The following GPCPD1 variants were observed in gnomAD, a reference collection of about 807,000 sequenced individuals.
The protein encoded by GPCPD1 is glycerophosphocholine phosphodiesterase GPCPD1.
In GPCPD1, 29 loss-of-function variants were observed where a neutral mutation model predicts 89.2. The ratio of observed to expected loss-of-function variants is 0.33; its 90% CI spans 0.24 to 0.44. The LOEUF is 0.44. Among genes scored for constraint, GPCPD1 ranks in the 20% least tolerant of loss-of-function variants. The probability of loss-of-function intolerance (pLI) is 1.00; values close to 1 mark genes in which losing one functional copy is unlikely to be tolerated. For missense variants in GPCPD1, 594 were observed against 808.9 expected, an observed-to-expected ratio of 0.73 and a Z score of 3.22; for synonymous variants, 258 against 266.3, an observed-to-expected ratio of 0.97 and a Z score of 0.30.
chr20:5,596,815 A>T (rs1301258957), intron 3 of GPCPD1, among the ~76,000 whole-genome samples: 1 of 152,228 alleles, frequency 6.6e-6, no homozygotes, highest in Admixed American at 6.5e-5. Context: ...CTAAAGGCAC[A>T]TGGATTCCTG....
chr20:5,548,902 AATC>A (rs1302580698), intron 19 of GPCPD1: 1 of 1,047,100 alleles, frequency 9.6e-7, no homozygotes, highest in Non-Finnish European at 1.3e-6. Context: ...AACAGAATCT[AATC>A]AGGAGGTTGC....
chr20:5,558,178 CAGTGCTCTCCAA>C (rs1985884179), intron 18 of GPCPD1, 73 bp from the exon 19 acceptor site: 1 of 856,166 alleles, frequency 1.2e-6, no homozygotes, highest in Non-Finnish European at 1.8e-6. Context: ...CACTCTAAAT[CAGTGCTCTCCAA>C]AGTACAGCAG....
intron 8 of GPCPD1, among the ~76,000 whole-genome samples, chr20:5,577,395 T>G (rs1281145406): frequency 1.3e-5 from 2 of 149,476 alleles, no homozygotes; most frequent in Non-Finnish European, 3.0e-5. Context: ...GGCTGAGGCA[T>G]GAGGATCACT....
chr20:5,580,097 T>G lies in GPCPD1; in HGVS notation c.384A>C (p.Thr128=). 3 of 1,500,286 alleles carry G rather than the reference T, an allele frequency of 2.0e-6. No homozygotes were observed. The Admixed American group carries it at 5.0e-5, about 25-fold the overall frequency. The allele number at this position is 1,500,286 out of a possible 1,614,324, so 92.9% of individuals were successfully genotyped here. Residue 128 remains threonine (T), a synonymous_variant, in exon 7 of 20, where the codon ACA becomes ACC. Transcript: ENST00000379019. ...GVETLDSGWL[T]CQTEIRLRLH... Reference sequence around the variant, plus strand: ...AACGTAATCTTATTTCAGTCTGACATGTCAGCCATCCAGAATCCAGAGTTT... The same window carrying G: ...AACGTAATCTTATTTCAGTCTGACAGGTCAGCCATCCAGAATCCAGAGTTT...
At chr20:5,559,876 G>T in intron 17 of GPCPD1, 64 bp downstream of exon 17, 2 of 863,378 alleles carry the variant, frequency 2.3e-6, no homozygotes, top group Non-Finnish European at 3.4e-6. Flanking sequence ...CCCACCTCCA[G>T]ACTGCTGCCT....
At chr20:5,551,864 A>G (rs1283114056) in intron 19 of GPCPD1, among the ~76,000 whole-genome samples, 2 of 152,206 alleles carry the variant, frequency 1.3e-5, no homozygotes, top group Non-Finnish European at 2.9e-5. Context: ...GTGTTTGATA[A>G]TTGAAAACAC....
intron 19 of GPCPD1, among the ~76,000 whole-genome samples, chr20:5,552,235 A>G (rs572488048): frequency 1.3e-5 from 2 of 152,276 alleles, no homozygotes; most frequent in African/African-American, 4.8e-5. Context: ...CTCAGACCCT[A>G]TTAGGAATCC....
chr20:5,581,814 CTTTTTTTTTTTTTTTTTTTTTT>C (rs11479995), intron 6 of GPCPD1, among the ~76,000 whole-genome samples: 20,950 of 76,724 alleles, frequency 0.27, 2,244 homozygotes, highest in South Asian at 0.38. Context: ...GGGACTTTAA[CTTTTTTTTTTTTTTTTTTTTTT>C]TTTTTTTTTT....
Position 5,586,439 on chromosome 20 carries a change from A to G in GPCPD1, c.232-170T>C, listed in dbSNP as rs1406239681. Among the ~76,000 whole-genome samples the G allele has an allele frequency of 3.3e-5, 5 of 152,352 alleles. No individual in the cohort carries two copies. The South Asian group carries it at 6.2e-4, about 19-fold the overall frequency. ...CTGGAATGTACCAGATCACAAAACA[A>G]GATGAAATGCTGGAAGAAAATTAGA... is the stretch of plus-strand genomic sequence containing the variant. On this transcript the variant is annotated intron_variant, in intron 4 of 19. Transcript: ENST00000379019.
chr20:5,554,494 C>T (rs1000046252), intron 19 of GPCPD1, among the ~76,000 whole-genome samples: 16 of 152,158 alleles, frequency 1.1e-4, no homozygotes, highest in East Asian at 5.8e-4. Flanking sequence ...TTCAGAATTA[C>T]GCTAAATCTA....
chr20:5,569,462 T>C (rs918074693), intron 12 of GPCPD1, among the ~76,000 whole-genome samples: 1 of 152,100 alleles, frequency 6.6e-6, no homozygotes, highest in Non-Finnish European at 1.5e-5. Context: ...ATTACAGTTT[T>C]TTTACAGCTA....
chr20:5,552,060 A>G lies in GPCPD1; in HGVS notation c.1830-4210T>C, dbSNP rs569967483. 1.2e-3 allele frequency among the ~76,000 whole-genome samples: 186 copies of G among 152,372 alleles called. 1 individual carries two copies. Among genetic ancestry groups the G allele is most frequent in the African/African-American group, 4.3e-3 (177 of 41,592 alleles). ...TAAAGATTTGAGGGGACACGGTCTCAGCCAGAGACAATGGAAGAAATAGGT... is the reference window on the plus strand; with the variant it reads ...TAAAGATTTGAGGGGACACGGTCTCGGCCAGAGACAATGGAAGAAATAGGT... On this transcript the variant is annotated intron_variant, in intron 19 of 19. Coordinates refer to ENST00000379019, the MANE Select transcript of GPCPD1 (RefSeq NM_019593.5).
chr20:5,596,783 T>C (rs185877972), intron 3 of GPCPD1, among the ~76,000 whole-genome samples: 2 of 152,316 alleles, frequency 1.3e-5, no homozygotes, highest in African/African-American at 4.8e-5. Flanking sequence ...AGAAACACAA[T>C]TTTAAAACTC....
chr20:5,559,345 G>A (rs1445025692), intron 17 of GPCPD1, among the ~76,000 whole-genome samples: 1 of 152,216 alleles, frequency 6.6e-6, no homozygotes, highest in Non-Finnish European at 1.5e-5. Context: ...CCACACTTTG[G>A]AAAGCCAAGG....
Position 5,560,069 on chromosome 20 carries a change from A to G in GPCPD1, c.1403T>C (p.Met468Thr), listed in dbSNP as rs764536764. 1 of 1,554,056 alleles carries G rather than the reference A, an allele frequency of 6.4e-7. No individual in the cohort carries two copies. Among genetic ancestry groups the G allele is most frequent in the Non-Finnish European group, 8.7e-7 (1 of 1,152,952 alleles). The part of the protein sequence containing the change: ...IKWICQQRDG[M>T]WDGNLSTYFD... The stretch of plus-strand genomic sequence containing the variant: ...ATATGTTGATAAGTTACCATCCCAC[A>G]TTCCATCCTAGTGAAAGAGAAAGCA... The change falls in exon 17 of 20, where the codon ATG becomes ACG. Residue 468 changes from methionine to threonine, a missense_variant. By Grantham distance (81) the Met-to-Thr change is moderately conservative. Coordinates refer to ENST00000379019, the MANE Select transcript of GPCPD1 (RefSeq NM_019593.5).
At chr20:5,562,457 T>C (rs1400275127) in intron 15 of GPCPD1, among the ~76,000 whole-genome samples, 3 of 152,122 alleles carry the variant, frequency 2.0e-5, no homozygotes, top group African/African-American at 7.2e-5. Flanking sequence ...TAATTTTTTG[T>C]ATTTTAGTAG....
chr20:5,560,329 T>C (rs1341045377), intron 16 of GPCPD1, among the ~76,000 whole-genome samples: 1 of 152,202 alleles, frequency 6.6e-6, no homozygotes, highest in Non-Finnish European at 1.5e-5. Context: ...AACTATATCA[T>C]CAATACACTT....
chr20:5,574,877 C>T (rs1264577844), intron 10 of GPCPD1, among the ~76,000 whole-genome samples: 2 of 152,118 alleles, frequency 1.3e-5, no homozygotes, highest in East Asian at 3.8e-4. Flanking sequence ...TTAAAATTTA[C>T]AGTAGAAAAT....
At chr20:5,584,656 C>T (rs926045711) in intron 5 of GPCPD1, 3 of 162,480 alleles carry the variant, frequency 1.8e-5, no homozygotes, top group Non-Finnish European at 4.0e-5. Context: ...ACAACGATAA[C>T]TCCTTCTTGA....
Sources: allele counts gnomAD v4.1 joint callset (sites outside exome capture counted in the v4.1 genomes callset), GRCh38; gene constraint gnomAD v4.1.1; transcripts MANE v1.5; gene names NCBI Gene and HGNC (gene_info 2026-07-23, HGNC 2026-07-21).